Variants in TGFB2 observed in about 807,000 individuals in gnomAD.
The protein encoded by TGFB2 is transforming growth factor beta-2 proprotein.
Under a neutral mutation model 42.7 loss-of-function variants are expected in TGFB2, and 13 were observed. That is an observed-to-expected ratio of 0.30 (90% CI 0.20 to 0.48). The LOEUF is 0.48. Among genes scored for constraint, TGFB2 ranks in the 20% least tolerant of loss-of-function variants. The pLI is 0.99. For missense variants in TGFB2, 390 were observed against 517.5 expected (o/e 0.75, Z 2.39); for synonymous variants, 193 against 193.6 (o/e 1.00, Z 0.03).
chr1:218,395,252 CTT>C (rs1347974904), intron 1 of TGFB2, among the ~76,000 whole-genome samples: 3 of 152,214 alleles, frequency 2.0e-5, no homozygotes, highest in African/African-American at 7.2e-5. Context: ...CACTGGGAAA[CTT>C]TCACACTGGG....
chr1:218,423,544 G>A (rs72738829), intron 2 of TGFB2, among the ~76,000 whole-genome samples: 7 of 152,300 alleles, frequency 4.6e-5, no homozygotes, highest in Non-Finnish European at 8.8e-5. Context: ...AAAACTGGAG[G>A]AGGGAAAGGC....
intron 1 of TGFB2, among the ~76,000 whole-genome samples, chr1:218,355,010 C>T (rs534942245): frequency 2.1e-4 from 32 of 152,310 alleles, no homozygotes; most frequent in African/African-American, 7.2e-4. Flanking sequence ...CCAAGCAATT[C>T]TCCTGCCTCA....
At chr1:218,378,867 G>A (rs1370738057) in intron 1 of TGFB2, among the ~76,000 whole-genome samples, 4 of 152,164 alleles carry the variant, frequency 2.6e-5, no homozygotes, top group Non-Finnish European at 5.9e-5. Flanking sequence ...GGAAAGGAGA[G>A]GAAAGGCGGG....
At chr1:218,420,415 A>G (rs1659418183) in intron 2 of TGFB2, among the ~76,000 whole-genome samples, 1 of 152,220 alleles carries the variant, frequency 6.6e-6, no homozygotes. Flanking sequence ...GGTCTCATGA[A>G]TGCTACTGAG....
chr1:218,407,912 TG>T (rs1658966217), intron 2 of TGFB2, among the ~76,000 whole-genome samples: 2 of 152,110 alleles, frequency 1.3e-5, no homozygotes, highest in South Asian at 4.1e-4. Context: ...AAGCAAAAAC[TG>T]GTTCCTATGA....
intron 2 of TGFB2, among the ~76,000 whole-genome samples, chr1:218,431,800 T>C (rs1455385598): frequency 6.6e-6 from 1 of 152,224 alleles, no homozygotes; most frequent in African/African-American, 2.4e-5. Context: ...ACCATTGTTT[T>C]TCTTATTCCT....
rs1656623504 is a variant in TGFB2, at chr1:218,345,369, G to A, written c.-1333G>A. 6.6e-6 allele frequency: 1 copy of A among 152,316 alleles called. No homozygotes were observed. The highest frequency in any genetic ancestry group is 1.5e-5 in the Non-Finnish European group (1 of 68,094). The allele number at this position is 152,316 out of a possible 1,614,324, so 9.4% of individuals were successfully genotyped here. A position where few individuals can be genotyped will look rare whatever the true frequency, so the allele number is the denominator to read the frequency against. On this transcript the variant is annotated 5_prime_UTR_variant, in exon 1 of 7. Coordinates refer to ENST00000366930, the MANE Select transcript of TGFB2 (RefSeq NM_003238.6). ...CTGCTGGCAGCAGAAGGTTCGCTCC[G>A]AGCGGAGCTCCAGAAGCTCCTGACA...
chr1:218,394,828 A>G (rs1430876135), intron 1 of TGFB2, among the ~76,000 whole-genome samples: 1 of 152,182 alleles, frequency 6.6e-6, no homozygotes. Flanking sequence ...CAGTGTGCCA[A>G]GACAAATTTC....
At chr1:218,373,700 T>C (rs2102557016) in intron 1 of TGFB2, among the ~76,000 whole-genome samples, 1 of 152,266 alleles carries the variant, frequency 6.6e-6, no homozygotes, top group South Asian at 2.1e-4. Flanking sequence ...TCCAAGATGA[T>C]TAATTTCCAT....
In TGFB2 at chr1:218,442,269, T is replaced by G. The variant is rs1165397062; in HGVS notation, c.*907T>G. The G allele has an allele frequency of 2.0e-5, 3 of 152,156 alleles. No individual in the cohort carries two copies. The highest frequency in any genetic ancestry group is 4.4e-5 in the Non-Finnish European group (3 of 68,014). The allele number at this position is 152,156 out of a possible 1,614,324, so 9.4% of individuals were successfully genotyped here. A position where few individuals can be genotyped will look rare whatever the true frequency, so the allele number is the denominator to read the frequency against. On this transcript the variant is annotated 3_prime_UTR_variant, in exon 7 of 7. Transcript: ENST00000366930. ...AGACCTTAAAATATTGCTGTATAGC[T>G]ATGCTATAGGTTTTTTCCTTTGTTT...
At chr1:218,386,356 G>A (rs952005073) in intron 1 of TGFB2, among the ~76,000 whole-genome samples, 1 of 152,210 alleles carries the variant, frequency 6.6e-6, no homozygotes, top group Non-Finnish European at 1.5e-5. Context: ...CAATAAGATA[G>A]CATTTATATG....
intron 2 of TGFB2, among the ~76,000 whole-genome samples, chr1:218,410,623 G>T (rs1392896539): frequency 6.6e-6 from 1 of 152,088 alleles, no homozygotes; most frequent in African/African-American, 2.4e-5. Flanking sequence ...GGAAAGAGGA[G>T]AAAACAAAGA....
chr1:218,433,266 C>T (rs911944033), intron 2 of TGFB2, among the ~76,000 whole-genome samples: 3 of 152,058 alleles, frequency 2.0e-5, no homozygotes, highest in Non-Finnish European at 4.4e-5. Context: ...AGGGTTTTAC[C>T]ATGTTGGCCA....
At chr1:218,408,399 G>A (rs1280668963) in intron 2 of TGFB2, among the ~76,000 whole-genome samples, 1 of 152,154 alleles carries the variant, frequency 6.6e-6, no homozygotes, top group Non-Finnish European at 1.5e-5. Context: ...AGAGTCCCAC[G>A]CTTGAAAGAG....
chr1:218,375,131 C>T (rs1334836021), intron 1 of TGFB2, among the ~76,000 whole-genome samples: 1 of 152,134 alleles, frequency 6.6e-6, no homozygotes, highest in Non-Finnish European at 1.5e-5. Flanking sequence ...TCTAGACAGA[C>T]GAGTTCATAT....
At chr1:218,431,151 T>C (rs1659794056) in intron 2 of TGFB2, among the ~76,000 whole-genome samples, 1 of 152,206 alleles carries the variant, frequency 6.6e-6, no homozygotes, top group African/African-American at 2.4e-5. Flanking sequence ...GGGTGGTTTA[T>C]ATGTGGCCTG....
chr1:218,398,436 A>T (rs554234640), intron 1 of TGFB2, among the ~76,000 whole-genome samples: 1 of 152,344 alleles, frequency 6.6e-6, no homozygotes, highest in South Asian at 2.1e-4. Context: ...CCTAGACATC[A>T]TTGGGGGACT....
intron 1 of TGFB2, among the ~76,000 whole-genome samples, chr1:218,357,395 C>T (rs1657074167): frequency 6.6e-6 from 1 of 152,116 alleles, no homozygotes; most frequent in Non-Finnish European, 1.5e-5. Flanking sequence ...AGTTAGCATC[C>T]TGGCTTTCCT....
intron 2 of TGFB2, among the ~76,000 whole-genome samples, chr1:218,407,203 T>C (rs1658942907): frequency 6.6e-6 from 1 of 152,152 alleles, no homozygotes; most frequent in South Asian, 2.1e-4. Flanking sequence ...GCTCAAGCGA[T>C]CCTACAGGTG....
Sources: gnomAD v4.1 joint callset for allele counts (sites outside exome capture counted in the v4.1 genomes callset) on GRCh38, gnomAD v4.1.1 for gene constraint, MANE v1.5 for transcripts, NCBI Gene and HGNC (gene_info 2026-07-23, HGNC 2026-07-21) for gene names.